Variants in HS6ST3 observed in about 807,000 individuals in gnomAD.
HS6ST3 encodes the protein heparan-sulfate 6-O-sulfotransferase 3.
In HS6ST3, 12 loss-of-function variants were observed where a neutral mutation model predicts 36.7. That is an observed-to-expected ratio of 0.33 (90% CI 0.21 to 0.53). The LOEUF is 0.53. Among genes scored for constraint, HS6ST3 ranks in the 20% least tolerant of loss-of-function variants. The probability of loss-of-function intolerance (pLI) is 0.95; values close to 1 mark genes in which losing one functional copy is unlikely to be tolerated. For missense variants in HS6ST3, 584 were observed against 640.9 expected (o/e 0.91, Z 0.96); for synonymous variants, 240 against 257.5 (o/e 0.93, Z 0.65).
At chr13:96,552,626 A>G (rs2056223658) in intron 1 of HS6ST3, among the ~76,000 whole-genome samples, 2 of 152,192 alleles carry the variant, frequency 1.3e-5, no homozygotes, top group South Asian at 4.1e-4. Flanking sequence ...AAGAGCTAGC[A>G]CAGGGAGAGC....
chr13:96,725,311 T>A (rs1875975458), intron 1 of HS6ST3, among the ~76,000 whole-genome samples: 1 of 152,236 alleles, frequency 6.6e-6, no homozygotes, highest in Non-Finnish European at 1.5e-5. Context: ...TTTTCCATAA[T>A]ATTTGGCTTG....
At chr13:96,788,885 T>C (rs1404688581) in intron 1 of HS6ST3, among the ~76,000 whole-genome samples, 2 of 151,926 alleles carry the variant, frequency 1.3e-5, no homozygotes, top group Non-Finnish European at 1.5e-5. Context: ...TAACATTTTT[T>C]ATCCTTTTAC....
intron 1 of HS6ST3, among the ~76,000 whole-genome samples, chr13:96,803,887 C>CA (rs1411001172): frequency 1.3e-5 from 2 of 151,578 alleles, no homozygotes; most frequent in Non-Finnish European, 2.9e-5. Flanking sequence ...AGGGATTATG[C>CA]AAAAAAGACA....
At chr13:96,640,986 A>G (rs531667524) in intron 1 of HS6ST3, among the ~76,000 whole-genome samples, 1 of 152,088 alleles carries the variant, frequency 6.6e-6, no homozygotes, top group South Asian at 2.1e-4. Flanking sequence ...AGGTGATATG[A>G]TGCCTCTGGC....
chr13:96,725,053 A>G (rs1183278946), intron 1 of HS6ST3, among the ~76,000 whole-genome samples: 1 of 152,202 alleles, frequency 6.6e-6, no homozygotes, highest in Non-Finnish European at 1.5e-5. Flanking sequence ...GACACTTAGT[A>G]TAGGGGATGT....
chr13:96,458,941 TA>T (rs2035363837), intron 1 of HS6ST3, among the ~76,000 whole-genome samples: 1 of 151,448 alleles, frequency 6.6e-6, no homozygotes, highest in Admixed American at 6.6e-5. Context: ...CCGTTTGTAC[TA>T]AAAATACAAA....
chr13:96,564,265 G>A (rs2056273032), intron 1 of HS6ST3, among the ~76,000 whole-genome samples: 1 of 152,152 alleles, frequency 6.6e-6, no homozygotes, highest in Admixed American at 6.5e-5. Context: ...ACGGCATGCA[G>A]TTATGTGTTT....
intron 1 of HS6ST3, among the ~76,000 whole-genome samples, chr13:96,660,549 C>T (rs1226282347): frequency 2.0e-5 from 3 of 152,070 alleles, no homozygotes; most frequent in Admixed American, 2.0e-4. Flanking sequence ...AGGACTTAAA[C>T]TTAAGATCTA....
intron 1 of HS6ST3, among the ~76,000 whole-genome samples, chr13:96,614,320 A>C (rs891567054): frequency 2.0e-5 from 3 of 148,574 alleles, no homozygotes; most frequent in Non-Finnish European, 3.0e-5. Context: ...AAAAAAAAAA[A>C]AAAAAAAACA....
At chr13:96,713,010 T>G (rs1875599994) in intron 1 of HS6ST3, among the ~76,000 whole-genome samples, 1 of 152,236 alleles carries the variant, frequency 6.6e-6, no homozygotes, top group African/African-American at 2.4e-5. Flanking sequence ...AAAATCCATT[T>G]GAGGATATAA....
At chr13:96,810,012 G>A (rs554865629) in intron 1 of HS6ST3, among the ~76,000 whole-genome samples, 1 of 152,222 alleles carries the variant, frequency 6.6e-6, no homozygotes, top group East Asian at 1.9e-4. Context: ...ACAGGACTAA[G>A]GAAAAAAGTG....
At chr13:96,400,155 TCACACACACA>T (rs55957302) in intron 1 of HS6ST3, among the ~76,000 whole-genome samples, 7 of 145,472 alleles carry the variant, frequency 4.8e-5, no homozygotes, top group East Asian at 2.0e-4. Flanking sequence ...AGTGCTGAAA[TCACACACACA>T]CACACACACA....
At chr13:96,447,614 A>T (rs1202013822) in intron 1 of HS6ST3, among the ~76,000 whole-genome samples, 1 of 152,058 alleles carries the variant, frequency 6.6e-6, no homozygotes, top group Non-Finnish European at 1.5e-5. Context: ...GGCTGCCCCC[A>T]CATATCCCCA....
intron 1 of HS6ST3, among the ~76,000 whole-genome samples, chr13:96,095,620 C>T (rs1468758646): frequency 2.6e-5 from 4 of 152,104 alleles, no homozygotes; most frequent in East Asian, 1.9e-4. Context: ...ATACTCCTTT[C>T]GATATTGATC....
At chr13:96,564,210 T>C (rs1169103016) in intron 1 of HS6ST3, among the ~76,000 whole-genome samples, 1 of 152,192 alleles carries the variant, frequency 6.6e-6, no homozygotes, top group African/African-American at 2.4e-5. Context: ...TTTGTAGAAC[T>C]TTTCTTCTAC....
At chr13:96,271,768 C>G (rs2054721544) in intron 1 of HS6ST3, among the ~76,000 whole-genome samples, 1 of 151,994 alleles carries the variant, frequency 6.6e-6, no homozygotes, top group African/African-American at 2.4e-5. Flanking sequence ...AACTAGACTT[C>G]TGCTATGAGT....
chr13:96,798,177 G>A (rs1877960542), intron 1 of HS6ST3, among the ~76,000 whole-genome samples: 1 of 152,018 alleles, frequency 6.6e-6, no homozygotes, highest in African/African-American at 2.4e-5. Context: ...ATATGGGAAG[G>A]GGCATGGAGT....
intron 1 of HS6ST3, among the ~76,000 whole-genome samples, chr13:96,425,563 T>C (rs1274953066): frequency 6.6e-6 from 1 of 152,096 alleles, no homozygotes; most frequent in Non-Finnish European, 1.5e-5. Context: ...GAAAAATCAA[T>C]ATTTGCATCT....
intron 1 of HS6ST3, among the ~76,000 whole-genome samples, chr13:96,197,679 A>C (rs1325466640): frequency 6.6e-6 from 1 of 152,190 alleles, no homozygotes; most frequent in Non-Finnish European, 1.5e-5. Flanking sequence ...GTGTTAGGTA[A>C]ATACAGCCTT....
Sources: gnomAD v4.1 joint callset for allele counts (sites outside exome capture counted in the v4.1 genomes callset) on GRCh38, gnomAD v4.1.1 for gene constraint, MANE v1.5 for transcripts, NCBI Gene and HGNC (gene_info 2026-07-23, HGNC 2026-07-21) for gene names.